The following CYP4X1 variants were observed in gnomAD, a reference collection of about 807,000 sequenced individuals.
CYP4X1 encodes cytochrome P450 4X1.
In CYP4X1, 44 loss-of-function variants were observed where a neutral mutation model predicts 57.9. The ratio of observed to expected loss-of-function variants is 0.76; its 90% CI spans 0.60 to 0.98. CYP4X1 has a LOEUF of 0.98. Ranked by LOEUF, CYP4X1 falls within the 50% of genes least tolerant of loss-of-function variation. CYP4X1 has a pLI of 0.00. For missense variants in CYP4X1, 532 were observed against 623.9 expected (o/e 0.85, Z 1.57); for synonymous variants, 227 against 228.6 (o/e 0.99, Z 0.06).
the CYP4X1 span, among the ~76,000 whole-genome samples, chr1:46,975,659 A>G: frequency 6.6e-6 from 1 of 152,000 alleles, no homozygotes; most frequent in African/African-American, 2.4e-5. Context: ...TGGCCATCTT[A>G]TATAGTATCT....
chr1:47,046,988 C>A (rs568512271), intron 9 of CYP4X1, among the ~76,000 whole-genome samples: 1 of 152,178 alleles, frequency 6.6e-6, no homozygotes, highest in African/African-American at 2.4e-5. Context: ...TTGGCCTCAT[C>A]ATCATAATAT....
Position 47,049,455 on chromosome 1 carries a change from T to C in CYP4X1, c.1306T>C (p.Ser436Pro), listed in dbSNP as rs1264237913. ...CCCCTTGAGGTTCTCTCAGGAGAAT[T>C]CTGATCAGAGACACCCCTATGCCTA... ...FDPLRFSQEN[S>P]DQRHPYAYLP... Residue 436 changes from serine (S) to proline (P), a missense_variant, in exon 11 of 12, where the codon TCT becomes CCT. Transcript: ENST00000371901. The C allele has an allele frequency of 3.1e-6, 5 of 1,614,008 alleles. No individual in the cohort carries two copies. Among genetic ancestry groups the C allele is most frequent in the Admixed American group, 1.7e-5 (1 of 59,992 alleles).
At chr1:46,993,136 T>C in the CYP4X1 span, among the ~76,000 whole-genome samples, 9 of 133,168 alleles carry the variant, frequency 6.8e-5, no homozygotes, top group African/African-American at 1.7e-4. Flanking sequence ...CCTGTGTCCA[T>C]GTGTTCTCAT....
chr1:47,050,078 T>A lies in CYP4X1; in HGVS notation c.1434T>A (p.Thr478=), dbSNP rs1417043878. 1 of 1,613,942 alleles carries A rather than the reference T, an allele frequency of 6.2e-7. No homozygotes were observed. The highest frequency in any genetic ancestry group is 8.5e-7 in the Non-Finnish European group (1 of 1,180,018). The change falls in exon 12 of 12, where the codon ACT becomes ACA. Residue 478 remains threonine, a synonymous_variant. Coordinates refer to ENST00000371901, the MANE Select transcript of CYP4X1 (RefSeq NM_178033.2). ...TGATTCTGCTCCACTTCAGAGTGAC[T>A]CCAGACCCCACCAGGCCTCTTACTT... ...IALILLHFRV[T]PDPTRPLTFP... is the part of the protein sequence containing the mutation.
intron 8 of CYP4X1, among the ~76,000 whole-genome samples, chr1:47,045,253 AACAG>A (rs1644289098): frequency 6.6e-6 from 1 of 152,198 alleles, no homozygotes; most frequent in African/African-American, 2.4e-5. Context: ...CAATAAGATA[AACAG>A]ACTAAATATA....
chr1:47,008,559 A>G, the CYP4X1 span, among the ~76,000 whole-genome samples: 1 of 152,214 alleles, frequency 6.6e-6, no homozygotes, highest in South Asian at 2.1e-4. Flanking sequence ...ACAGGATCAA[A>G]TTCACACATA....
At chr1:47,038,543 C>A in intron 6 of CYP4X1, 117 bp from the exon 7 acceptor site, 1 of 563,572 alleles carries the variant, frequency 1.8e-6, no homozygotes, top group Non-Finnish European at 2.9e-6. Context: ...AAAATTAGAT[C>A]TATTTAAACG....
At chr1:47,042,511 G>A (rs1251809367) in intron 8 of CYP4X1, among the ~76,000 whole-genome samples, 1 of 151,996 alleles carries the variant, frequency 6.6e-6, no homozygotes, top group Non-Finnish European at 1.5e-5. Context: ...GTTTGGTTAT[G>A]AGTAAGTTCT....
At chr1:47,009,926 A>G in the CYP4X1 span, among the ~76,000 whole-genome samples, 1 of 152,204 alleles carries the variant, frequency 6.6e-6, no homozygotes, top group Non-Finnish European at 1.5e-5. Flanking sequence ...TTAATAACTT[A>G]CCAAACAAAA....
At chr1:47,022,559 G>C (rs1284659551), upstream of CYP4X1, among the ~76,000 whole-genome samples, 1 of 152,054 alleles carries the variant, frequency 6.6e-6, no homozygotes, top group African/African-American at 2.4e-5. Flanking sequence ...AAATTGCTGG[G>C]ATTACAGGCG....
chr1:46,981,216 T>A, the CYP4X1 span, among the ~76,000 whole-genome samples: 4 of 151,586 alleles, frequency 2.6e-5, no homozygotes, highest in Non-Finnish European at 4.4e-5. Context: ...TGGGAGAAAA[T>A]TTTTGCAATC....
chr1:47,052,245 T>C (rs1454399440), downstream of CYP4X1, among the ~76,000 whole-genome samples: 4 of 152,154 alleles, frequency 2.6e-5, no homozygotes, highest in African/African-American at 9.7e-5. Context: ...TTCACTGACA[T>C]TTTGTGAATT....
the CYP4X1 span, among the ~76,000 whole-genome samples, chr1:46,981,562 AAGAC>A: frequency 6.6e-6 from 1 of 152,234 alleles, no homozygotes; most frequent in Non-Finnish European, 1.5e-5. Flanking sequence ...ACCATTGTGA[AAGAC>A]AGTGTGGTGA....
At chr1:47,014,385 TAGAG>T in the CYP4X1 span, among the ~76,000 whole-genome samples, 1 of 152,060 alleles carries the variant, frequency 6.6e-6, no homozygotes, top group Non-Finnish European at 1.5e-5. Flanking sequence ...GGGTAGGAAA[TAGAG>T]AGAGGAGGAG....
intron 7 of CYP4X1, 108 bp downstream of exon 7, chr1:47,038,874 T>C (rs1644214664): frequency 1.3e-6 from 1 of 777,952 alleles, no homozygotes; most frequent in African/African-American, 1.8e-5. Context: ...ATTGACTAAA[T>C]TTAACTGTAC....
the CYP4X1 span, among the ~76,000 whole-genome samples, chr1:46,981,878 A>G: frequency 2.6e-5 from 4 of 152,218 alleles, no homozygotes; most frequent in African/African-American, 4.8e-5. Context: ...AAACTATCAC[A>G]AGGACAGAAA....
At chr1:47,004,976 G>A in the CYP4X1 span, among the ~76,000 whole-genome samples, 2 of 152,298 alleles carry the variant, frequency 1.3e-5, no homozygotes, top group South Asian at 2.1e-4. Flanking sequence ...GCTAGAAGTT[G>A]AGGCCTTCAT....
At position 47,035,898 on chromosome 1, in the gene CYP4X1, C is replaced by T. The variant is rs201257388; in HGVS notation, c.585C>T (p.Cys195=). Residue 195 remains cysteine (C), a synonymous_variant, in exon 5 of 12, where the codon TGC becomes TGT. Coordinates refer to ENST00000371901, the MANE Select transcript of CYP4X1 (RefSeq NM_178033.2). ...NSMSLDIIMK[C]AFSKETNCQT... The stretch of plus-strand genomic sequence containing the variant: ...TGTCTCTGGATATAATCATGAAATG[C>T]GCTTTCAGCAAGGAGACCAACTGCC... 5.4e-4 allele frequency: 873 copies of T among 1,613,668 alleles called. 2 individuals carry two copies. In the Middle Eastern group the frequency reaches 8.6e-3, roughly 16 times the overall value.
chr1:47,052,399 G>C (rs1644365172), downstream of CYP4X1, among the ~76,000 whole-genome samples: 1 of 152,002 alleles, frequency 6.6e-6, no homozygotes, highest in Non-Finnish European at 1.5e-5. Context: ...TATACCAACT[G>C]TGCCAAAAAT....
Sources: allele counts gnomAD v4.1 joint callset (sites outside exome capture counted in the v4.1 genomes callset), GRCh38; gene constraint gnomAD v4.1.1; transcripts MANE v1.5; gene names NCBI Gene and HGNC (gene_info 2026-07-23, HGNC 2026-07-21).